Variants in IKZF4 observed in about 807,000 individuals in gnomAD.
IKZF4 encodes zinc finger protein Eos.
A neutral mutation model predicts 47.7 loss-of-function variants in IKZF4; 11 were observed. That is an observed-to-expected ratio of 0.23 (90% CI 0.15 to 0.38). The LOEUF (loss-of-function observed/expected upper bound fraction) is 0.38, where lower values mean the gene tolerates loss of function less well. IKZF4 is among the 10% of genes least tolerant of loss of function. The probability of loss-of-function intolerance (pLI) is 1.00; values close to 1 mark genes in which losing one functional copy is unlikely to be tolerated. For missense variants in IKZF4, 557 were observed against 784.9 expected (o/e 0.71, Z 3.47); for synonymous variants, 298 against 299.4 (o/e 1.00, Z 0.05).
chr12:56,021,458 G>T lies in IKZF4; in HGVS notation c.-36G>T. 6.4e-7 allele frequency: 1 copy of T among 1,568,546 alleles called. No individual in the cohort carries two copies. Among genetic ancestry groups the T allele is most frequent in the South Asian group, 1.2e-5 (1 of 85,362 alleles). ...ATCCACGCTTCCTGGAAGGTGAGTG[G>T]CTGGGCTCACCCCTGCCTGCCACTG... On this transcript the variant is annotated 5_prime_UTR_variant, in exon 1 of 8. Transcript: ENST00000547167.
At chr12:56,031,227 G>C (rs556973551) in intron 5 of IKZF4, among the ~76,000 whole-genome samples, 8 of 152,254 alleles carry the variant, frequency 5.3e-5, no homozygotes, top group African/African-American at 1.9e-4. Flanking sequence ...CTCCAGCCTA[G>C]GCAACAGAGT....
At chr12:56,025,986 A>T (rs1463346908) in intron 3 of IKZF4, among the ~76,000 whole-genome samples, 1 of 152,120 alleles carries the variant, frequency 6.6e-6, no homozygotes, top group Non-Finnish European at 1.5e-5. Flanking sequence ...CCCAGGCTGG[A>T]CTGCAGTGGC....
intron 1 of IKZF4, among the ~76,000 whole-genome samples, chr12:56,008,653 G>A (rs952130018): frequency 6.7e-6 from 1 of 149,614 alleles, no homozygotes; most frequent in African/African-American, 2.5e-5. Context: ...AAGAAGTTAC[G>A]AACTCTGCTT....
At position 56,033,249 on chromosome 12, in the gene IKZF4, C is replaced by T. The variant is rs1895155502; in HGVS notation, c.925C>T (p.Arg309Trp). The change falls in exon 7 of 8, where the codon CGG becomes TGG. Residue 309 changes from arginine (R) to tryptophan (W), a missense_variant. Coordinates refer to ENST00000547167, the MANE Select transcript of IKZF4 (RefSeq NM_022465.4). ...PDSMLHSSSE[R>W]PTFIDRLANS... is the part of the protein sequence containing the mutation. The stretch of plus-strand genomic sequence containing the variant: ...CTCCATGCTGCACTCATCCTCTGAG[C>T]GGCCAACTTTCATCGATCGTCTGGC... 1.9e-6 allele frequency: 3 copies of T among 1,614,016 alleles called. No individual in the cohort carries two copies. Among genetic ancestry groups the T allele is most frequent in the Non-Finnish European group, 2.5e-6 (3 of 1,179,896 alleles).
chr12:56,028,061 G>C lies in IKZF4; in HGVS notation c.715+114G>C, dbSNP rs559026737. On this transcript the variant is annotated intron_variant, in intron 5 of 7. Coordinates refer to ENST00000547167, the MANE Select transcript of IKZF4 (RefSeq NM_022465.4). ...CCAGTGTCTGTCATTGAGGAGGGGGGAGCATTTACAGAGCAGATAGGGCCC... is the reference window on the plus strand; with the variant it reads ...CCAGTGTCTGTCATTGAGGAGGGGGCAGCATTTACAGAGCAGATAGGGCCC... 3.2e-4 allele frequency: 384 copies of C among 1,204,074 alleles called. 4 individuals are homozygous for C. In the East Asian group the frequency reaches 0.01, roughly 31 times the overall value. The allele number at this position is 1,204,074 out of a possible 1,614,324, so 74.6% of individuals were successfully genotyped here. A position where few individuals can be genotyped will look rare whatever the true frequency, so the allele number is the denominator to read the frequency against.
intron 1 of IKZF4, 56 bp downstream of exon 1, chr12:56,021,636 G>T: frequency 6.4e-7 from 1 of 1,556,246 alleles, no homozygotes; most frequent in Non-Finnish European, 8.7e-7. Context: ...CTGGGGCTAG[G>T]GAGCCAATTC....
chr12:56,024,740 C>T (rs1040449081), intron 2 of IKZF4: 203 of 1,229,162 alleles, frequency 1.7e-4, no homozygotes, highest in Admixed American at 9.6e-4. Flanking sequence ...TTCTGCAGCC[C>T]CCATTTTCCT....
chr12:56,020,142 TC>T (rs1892655862), upstream of IKZF4, among the ~76,000 whole-genome samples: 1 of 152,254 alleles, frequency 6.6e-6, no homozygotes, highest in African/African-American at 2.4e-5. Context: ...TCATAGTTCT[TC>T]TGCTCCACGC....
chr12:56,017,107 C>G (rs1892184431), upstream of IKZF4, among the ~76,000 whole-genome samples: 1 of 151,664 alleles, frequency 6.6e-6, no homozygotes, highest in Non-Finnish European at 1.5e-5. Context: ...AGAGATAATT[C>G]ATTGCAACAA....
chr12:56,023,777 A>C lies in IKZF4; in HGVS notation c.181+13A>C, dbSNP rs144214764. The C allele has an allele frequency of 9.9e-6, 16 of 1,612,270 alleles. No individual in the cohort carries two copies. The East Asian group carries it at 3.6e-4, about 36-fold the overall frequency. ...TTATTTTGTGAAAGTAAGTATGTGC[A>C]TAGCTGGGCAATTGGGTAAAGTACT... is the stretch of plus-strand genomic sequence containing the variant. On this transcript the variant is annotated intron_variant, in intron 2 of 7. Coordinates refer to ENST00000547167, the MANE Select transcript of IKZF4 (RefSeq NM_022465.4).
chr12:56,034,840 G>C lies in IKZF4; in HGVS notation c.1267G>C (p.Glu423Gln), dbSNP rs755634431. 3.1e-6 allele frequency: 5 copies of C among 1,613,580 alleles called. No individual in the cohort carries two copies. Among genetic ancestry groups the C allele is most frequent in the Non-Finnish European group, 4.2e-6 (5 of 1,179,692 alleles). Residue 423 changes from glutamate (E) to glutamine (Q), a missense_variant, in exon 8 of 8, where the codon GAG (glutamate) becomes CAG (glutamine). Around this residue, in one of 6 missense-constraint regions of IKZF4, gnomAD observed 280 missense variants for 314.0 expected, o/e 0.89. Transcript: ENST00000547167. ...GCTTCCAGGATCCCGAGAAGCAGGTGAGGGACCTGAGGACCTGGCTGATGG... is the reference window on the plus strand; with the variant it reads ...GCTTCCAGGATCCCGAGAAGCAGGTCAGGGACCTGAGGACCTGGCTGATGG... Reference protein sequence around the residue: ...LELPGSREAGEGPEDLADGGP... With the variant: ...LELPGSREAGQGPEDLADGGP...
chr12:56,024,965 A>T, intron 2 of IKZF4, 89 bp from the exon 3 acceptor site: 1 of 1,544,900 alleles, frequency 6.5e-7, no homozygotes, highest in South Asian at 1.2e-5. Flanking sequence ...TGTTTGTGAA[A>T]TTTAACTGAA....
At chr12:56,017,268 T>C (rs1892238385), upstream of IKZF4, among the ~76,000 whole-genome samples, 1 of 128,018 alleles carries the variant, frequency 7.8e-6, no homozygotes, top group South Asian at 2.8e-4. Context: ...AAAATAAGCG[T>C]GGTAGAGTAA....
At chr12:56,027,412 AAACAACAAC>A (rs142401811) in intron 4 of IKZF4, among the ~76,000 whole-genome samples, 13,739 of 151,984 alleles carry the variant, frequency 0.09, 720 homozygotes, top group African/African-American at 0.13. Context: ...AATAATTAAA[AAACAACAAC>A]AACAACAACA....
Position 56,035,438 on chromosome 12 carries a change from T to C in IKZF4, c.*107T>C. 1 of 1,229,990 alleles carries C rather than the reference T, an allele frequency of 8.1e-7. No individual in the cohort carries two copies. The highest frequency in any genetic ancestry group is 1.4e-5 in the South Asian group (1 of 70,902). 76.2% of individuals were successfully genotyped at this position (1,229,990 alleles called of 1,614,324 possible). On this transcript the variant is annotated 3_prime_UTR_variant, in exon 8 of 8. Coordinates refer to ENST00000547167, the MANE Select transcript of IKZF4 (RefSeq NM_022465.4). This position sits in a 1 kb window ranked among gnomAD's most constrained non-coding sequence, Gnocchi z 6.1. ...AGTTTTGCTTTGTAGCCCTCACTAC[T>C]GGCCACCTGACCTCACACCTGACCC...
At chr12:56,019,639 A>G (rs1892585866), upstream of IKZF4, among the ~76,000 whole-genome samples, 2 of 152,218 alleles carry the variant, frequency 1.3e-5, no homozygotes, top group African/African-American at 4.8e-5. Context: ...CTACTGAGCA[A>G]CAAGTACACT....
At chr12:56,034,044 C>T (rs1895327983) in intron 7 of IKZF4, among the ~76,000 whole-genome samples, 2 of 152,166 alleles carry the variant, frequency 1.3e-5, no homozygotes, top group Middle Eastern at 6.8e-3. Context: ...GGACTACAGA[C>T]GCCTGCCACC....
At chr12:56,030,134 G>A (rs924492754) in intron 5 of IKZF4, among the ~76,000 whole-genome samples, 7 of 152,192 alleles carry the variant, frequency 4.6e-5, no homozygotes, top group African/African-American at 1.7e-4. Flanking sequence ...GCACGGAGTA[G>A]GTTGGGTGCA....
Position 56,027,050 on chromosome 12 carries a change from GC to G in IKZF4, c.547+11del. 1 of 1,499,662 alleles carries G rather than the reference GC, an allele frequency of 6.7e-7. No homozygotes were observed. The allele number at this position is 1,499,662 out of a possible 1,614,324, so 92.9% of individuals were successfully genotyped here. On this transcript the variant is annotated intron_variant, in intron 4 of 7. Coordinates refer to ENST00000547167, the MANE Select transcript of IKZF4 (RefSeq NM_022465.4). ...CAAGCGCAGTCACACTGGTAAGTAA[GC>G]CAGAGGGGCTCTGGGAGGAGCTCCC...
Sources: gnomAD v4.1 joint callset for allele counts (sites outside exome capture counted in the v4.1 genomes callset) on GRCh38, gnomAD v4.1.1 for gene constraint, gnomAD v4.1.1 regional missense constraint, Gnocchi (gnomAD v3.1) non-coding constraint, MANE v1.5 for transcripts, NCBI Gene and HGNC (gene_info 2026-07-23, HGNC 2026-07-21) for gene names.